The following FBXL13 variants were observed in gnomAD, a reference collection of about 807,000 sequenced individuals.
FBXL13 encodes the protein F-box and leucine-rich repeat protein 13.
Under a neutral mutation model 83.6 loss-of-function variants are expected in FBXL13, and 67 were observed. That is an observed-to-expected ratio of 0.80 (90% confidence interval 0.66 to 0.98). The LOEUF (loss-of-function observed/expected upper bound fraction) is 0.98, where lower values mean the gene tolerates loss of function less well. Among genes scored for constraint, FBXL13 ranks in the 50% least tolerant of loss-of-function variants. The probability of loss-of-function intolerance (pLI) is 0.00; values close to 1 mark genes in which losing one functional copy is unlikely to be tolerated. For missense variants in FBXL13, 822 were observed against 866.5 expected, an observed-to-expected ratio of 0.95 and a Z score of 0.64; for synonymous variants, 272 against 299.5, an observed-to-expected ratio of 0.91 and a Z score of 0.95.
intron 11 of FBXL13, among the ~76,000 whole-genome samples, chr7:102,911,748 A>G (rs1814720910): frequency 6.6e-6 from 1 of 152,234 alleles, no homozygotes; most frequent in African/African-American, 2.4e-5. Flanking sequence ...CAGGGCCTAG[A>G]GTCAGTAAGA....
At chr7:102,991,050 T>G (rs553338647) in intron 6 of FBXL13, among the ~76,000 whole-genome samples, 59 of 152,284 alleles carry the variant, frequency 3.9e-4, no homozygotes, top group African/African-American at 1.3e-3. Flanking sequence ...AAGTCAACAG[T>G]CAAGAGTAGA....
chr7:102,854,191 A>G (rs994460535), intron 17 of FBXL13, among the ~76,000 whole-genome samples: 1 of 152,270 alleles, frequency 6.6e-6, no homozygotes, highest in Non-Finnish European at 1.5e-5. Flanking sequence ...CTATGCAGCC[A>G]TAAAAAATGA....
At chr7:102,823,169 A>T (rs1032843103) in intron 18 of FBXL13, among the ~76,000 whole-genome samples, 2 of 152,130 alleles carry the variant, frequency 1.3e-5, no homozygotes, top group Non-Finnish European at 2.9e-5. Flanking sequence ...TTTTAGTAAT[A>T]CCTGTCACAC....
At chr7:102,924,684 C>G (rs1194083374) in intron 10 of FBXL13, among the ~76,000 whole-genome samples, 2 of 149,960 alleles carry the variant, frequency 1.3e-5, no homozygotes, top group Non-Finnish European at 1.5e-5. Flanking sequence ...CTCTGTCGCC[C>G]AGGCTGGAGT....
At chr7:102,975,849 G>A (rs777372442) in intron 6 of FBXL13, 22 of 682,510 alleles carry the variant, frequency 3.2e-5, no homozygotes, top group Non-Finnish European at 5.5e-5. Context: ...AAAGTAAAAG[G>A]CAAAAACAGG....
chr7:103,066,881 T>C (rs889331956), intron 1 of FBXL13, among the ~76,000 whole-genome samples: 2 of 150,486 alleles, frequency 1.3e-5, no homozygotes, highest in African/African-American at 4.9e-5. Context: ...AACCTTCGCC[T>C]CCTGGGTTCA....
In FBXL13 at chr7:103,032,616, G is replaced by C. The variant is rs113554593; in HGVS notation, c.1-3198C>G. Among the ~76,000 whole-genome samples, 525 of 152,332 alleles carry C rather than the reference G, an allele frequency of 3.4e-3. 2 individuals are homozygous for C. Among genetic ancestry groups the C allele is most frequent in the African/African-American group, 0.012 (503 of 41,570 alleles). ...GGATTTCAATAGCTACAGAAAAAAA[G>C]TTTTAGTTTTTCCTTCTCCTTTTCT... On this transcript the variant is annotated intron_variant, in intron 2 of 19. Coordinates refer to ENST00000313221, the Ensembl canonical transcript of FBXL13.
chr7:102,884,183 A>C (rs1352749327), intron 12 of FBXL13, 31 bp downstream of exon 13: 1 of 1,474,896 alleles, frequency 6.8e-7, no homozygotes, highest in South Asian at 1.1e-5. Flanking sequence ...CTTATGGGAC[A>C]GAAAAGTAAA....
At chr7:102,896,014 A>C (rs990941957) in intron 11 of FBXL13, among the ~76,000 whole-genome samples, 2 of 152,256 alleles carry the variant, frequency 1.3e-5, no homozygotes, top group African/African-American at 4.8e-5. Context: ...GATTCCAGAC[A>C]GGGGAACAGC....
chr7:102,967,256 C>A (rs1226583646), intron 7 of FBXL13, among the ~76,000 whole-genome samples: 1 of 107,998 alleles, frequency 9.3e-6, no homozygotes, highest in East Asian at 2.2e-4. Flanking sequence ...CTGCACCCAG[C>A]CAATCCTCTC....
chr7:102,972,025 CAA>C lies in FBXL13; in HGVS notation c.496-3910_496-3909del, dbSNP rs199784264. On this transcript the variant is annotated intron_variant, in intron 6 of 19. Transcript: ENST00000313221. ...TGGGAGACAGAGTGAGAGTCCATCTCAAAAAAAAAAAAAAAAATTTAAAGACA... is the reference window on the plus strand; with the variant it reads ...TGGGAGACAGAGTGAGAGTCCATCTCAAAAAAAAAAAAAAATTTAAAGACA... Among the ~76,000 whole-genome samples the C allele has an allele frequency of 6.1e-3, 557 of 90,948 alleles. 4 individuals are homozygous for C. Among genetic ancestry groups the C allele is most frequent in the African/African-American group, 0.02 (539 of 27,370 alleles). The allele number at this position is 90,948 out of a possible 152,430, so 59.7% of individuals were successfully genotyped here. A position where few individuals can be genotyped will look rare whatever the true frequency, so the allele number is the denominator to read the frequency against.
chr7:102,957,592 T>C (rs188775894), intron 8 of FBXL13, among the ~76,000 whole-genome samples: 2 of 151,872 alleles, frequency 1.3e-5, no homozygotes, highest in South Asian at 2.1e-4. Context: ...TCAGAGTGAA[T>C]AGGCAACCTA....
chr7:102,981,642 A>T (rs1828241506), intron 6 of FBXL13, among the ~76,000 whole-genome samples: 1 of 152,162 alleles, frequency 6.6e-6, no homozygotes, highest in Non-Finnish European at 1.5e-5. Context: ...TCTCCAGCAG[A>T]TTCAGTGTCT....
At chr7:103,009,382 C>T (rs1791342254) in intron 6 of FBXL13, among the ~76,000 whole-genome samples, 1 of 152,152 alleles carries the variant, frequency 6.6e-6, no homozygotes, top group African/African-American at 2.4e-5. Context: ...AGCTGGGGAC[C>T]AGCCTGTCTG....
At chr7:103,061,643 T>TAA (rs1238522756) in intron 1 of FBXL13, among the ~76,000 whole-genome samples, 1 of 150,842 alleles carries the variant, frequency 6.6e-6, no homozygotes, top group Non-Finnish European at 1.5e-5. Context: ...ATTAGTCTCT[T>TAA]AAAAAAAAAT....
At chr7:102,884,285 C>A (rs2129459170) in exon 12 of FBXL13, 1 of 1,613,510 alleles carries the variant, frequency 6.2e-7, no homozygotes, top group Non-Finnish European at 8.5e-7. Context: ...CAGCTGTTTG[C>A]AATGTACCTG....
rs1799094725 is a variant in FBXL13 at position 103,072,766 on chromosome 7, G to A, written c.-105+1480C>T. ...ACTTCTCTTCACTCACCTCTTAGAG[G>A]AGTCTTCACTTTCTGTCCATGTATC... On this transcript the variant is annotated intron_variant, in intron 1 of 19. Coordinates refer to ENST00000313221, the Ensembl canonical transcript of FBXL13. 3.9e-5 allele frequency among the ~76,000 whole-genome samples: 6 copies of A among 152,158 alleles called. No individual in the cohort carries two copies. The South Asian group carries it at 1.2e-3, about 32-fold the overall frequency.
chr7:102,928,713 A>AG (rs1818593200), intron 9 of FBXL13, among the ~76,000 whole-genome samples: 1 of 152,250 alleles, frequency 6.6e-6, no homozygotes, highest in Admixed American at 6.5e-5. Flanking sequence ...AACACCTAGC[A>AG]GAACACATTT....
intron 6 of FBXL13, among the ~76,000 whole-genome samples, chr7:102,980,515 C>T (rs544931209): frequency 3.9e-5 from 6 of 152,320 alleles, no homozygotes; most frequent in South Asian, 2.1e-4. Flanking sequence ...CGGTGGCTTA[C>T]GCCTGTAATC....
Sources: gnomAD v4.1 joint callset for allele counts (sites outside exome capture counted in the v4.1 genomes callset) on GRCh38, gnomAD v4.1.1 for gene constraint, MANE v1.5 for transcripts, NCBI Gene and HGNC (gene_info 2026-07-23, HGNC 2026-07-21) for gene names.